Variants in PROM1 observed in about 807,000 individuals in gnomAD.
PROM1 encodes prominin 1.
A neutral mutation model predicts 116.9 loss-of-function variants in PROM1; 105 were observed. That is an observed-to-expected ratio of 0.90 (90% CI 0.77 to 1.06). The LOEUF is 1.06. Ranked by LOEUF, PROM1 falls within the 50% of genes least tolerant of loss-of-function variation. The pLI is 0.00. For synonymous variants in PROM1, 393 were observed against 387.0 expected, an observed-to-expected ratio of 1.02 and a Z score of -0.18; for missense variants, 1,122 against 1,045.2, an observed-to-expected ratio of 1.07 and a Z score of -1.01.
At chr4:15,974,670 T>C (rs991487562) in intron 26 of PROM1, among the ~76,000 whole-genome samples, 23 of 152,208 alleles carry the variant, frequency 1.5e-4, no homozygotes, top group African/African-American at 5.1e-4. Context: ...AGGGTCTTGT[T>C]GTGTTGCCCA....
At chr4:16,072,104 G>T (rs1184139669) in intron 2 of PROM1, among the ~76,000 whole-genome samples, 1 of 152,160 alleles carries the variant, frequency 6.6e-6, no homozygotes, top group Non-Finnish European at 1.5e-5. Context: ...CACAGGGGTG[G>T]TTACCTGTGT....
intron 9 of PROM1, among the ~76,000 whole-genome samples, chr4:16,017,040 C>T (rs1201598646): frequency 2.0e-5 from 3 of 152,036 alleles, no homozygotes; most frequent in Non-Finnish European, 4.4e-5. Context: ...CAATGTTATC[C>T]TAATTTTGAT....
intron 13 of PROM1, among the ~76,000 whole-genome samples, chr4:16,004,377 A>G (rs1013418204): frequency 2.6e-5 from 4 of 152,164 alleles, no homozygotes; most frequent in African/African-American, 9.7e-5. Flanking sequence ...GCCTCCATCA[A>G]TTTGTTGATG....
intron 2 of PROM1, among the ~76,000 whole-genome samples, chr4:16,071,332 T>C (rs989387527): frequency 2.0e-5 from 3 of 152,174 alleles, no homozygotes; most frequent in African/African-American, 7.2e-5. Context: ...ACCTTCCTTC[T>C]CTCTCTAAAA....
At chr4:16,012,865 T>C (rs57290363) in intron 11 of PROM1, among the ~76,000 whole-genome samples, 20,044 of 123,334 alleles carry the variant, frequency 0.16, 2,326 homozygotes, top group African/African-American at 0.31. Flanking sequence ...AGCGAGACTC[T>C]GTCTCAAAAA....
rs1035725194 is a variant in PROM1 at position 16,053,862 on chromosome 4, A to G, written c.221-14861T>C. Among the ~76,000 whole-genome samples, 4 of 152,222 alleles carry G rather than the reference A, an allele frequency of 2.6e-5. No individual in the cohort carries two copies. The South Asian group carries it at 6.2e-4, about 24-fold the overall frequency. On this transcript the variant is annotated intron_variant, in intron 2 of 27. Coordinates refer to ENST00000447510, the MANE Select transcript of PROM1 (RefSeq NM_006017.3). ...ATAATCCCAGCACTCTGGGAGGCCA[A>G]TGCTGGTAGATCACTTGAGGTCAGG...
chr4:16,039,498 GAC>G (rs1193897471), intron 2 of PROM1, among the ~76,000 whole-genome samples: 1 of 152,186 alleles, frequency 6.6e-6, no homozygotes, highest in East Asian at 1.9e-4. Flanking sequence ...AGCACTTTGG[GAC>G]ACAGAGGCAG....
chr4:15,971,522 C>T (rs1714539271), intron 26 of PROM1: 1 of 159,240 alleles, frequency 6.3e-6, no homozygotes, highest in Non-Finnish European at 1.4e-5. Flanking sequence ...GGTGTAAGAT[C>T]AGGCAGTGCA....
chr4:15,985,652 C>T (rs1719179809), intron 22 of PROM1, 108 bp downstream of exon 22: 3 of 902,252 alleles, frequency 3.3e-6, no homozygotes, highest in Non-Finnish European at 5.2e-6. Context: ...CACTTACTTC[C>T]TACCAAATTA....
At chr4:15,970,338 C>T (rs915838290) in intron 27 of PROM1, among the ~76,000 whole-genome samples, 4 of 151,228 alleles carry the variant, frequency 2.6e-5, no homozygotes, top group South Asian at 2.1e-4. Flanking sequence ...CCACCACACC[C>T]GGCTAACTTT....
intron 2 of PROM1, among the ~76,000 whole-genome samples, chr4:16,071,479 T>C (rs1433071243): frequency 6.6e-6 from 1 of 152,202 alleles, no homozygotes; most frequent in African/African-American, 2.4e-5. Context: ...CGTTAACCCC[T>C]GACATGATGG....
intron 2 of PROM1, among the ~76,000 whole-genome samples, chr4:16,042,030 T>A (rs1043778782): frequency 5.3e-5 from 8 of 152,036 alleles, no homozygotes; most frequent in Non-Finnish European, 1.0e-4. Context: ...CCCAGGCTAG[T>A]CTTAAACCCC....
intron 9 of PROM1, among the ~76,000 whole-genome samples, chr4:16,016,675 A>G (rs1388503846): frequency 6.6e-5 from 10 of 152,196 alleles, no homozygotes; most frequent in Admixed American, 5.9e-4. Context: ...GCTCCTACCA[A>G]TACTGGGACG....
chr4:16,014,323 G>C (rs945994286), intron 10 of PROM1, among the ~76,000 whole-genome samples: 1 of 152,226 alleles, frequency 6.6e-6, no homozygotes, highest in Non-Finnish European at 1.5e-5. Flanking sequence ...CGGTGCTTGT[G>C]TTGGTTTTCT....
At chr4:16,078,992 T>C (rs1744495312) in intron 1 of PROM1, among the ~76,000 whole-genome samples, 1 of 152,130 alleles carries the variant, frequency 6.6e-6, no homozygotes, top group East Asian at 1.9e-4. Flanking sequence ...ACGCCCACCG[T>C]CACATCCACA....
intron 2 of PROM1, among the ~76,000 whole-genome samples, chr4:16,044,662 A>G (rs1449684132): frequency 1.3e-5 from 2 of 152,272 alleles, no homozygotes; most frequent in African/African-American, 4.8e-5. Context: ...GAATAAAATA[A>G]TATTCAATTT....
intron 2 of PROM1, among the ~76,000 whole-genome samples, chr4:16,043,848 G>A (rs946577053): frequency 6.6e-6 from 1 of 152,178 alleles, no homozygotes; most frequent in African/African-American, 2.4e-5. Flanking sequence ...GCCTGGGAGT[G>A]AGCAGCCCTG....
intron 13 of PROM1, chr4:16,003,452 G>A: frequency 2.2e-6 from 1 of 455,764 alleles, no homozygotes; most frequent in Non-Finnish European, 4.4e-6. Context: ...CTCAGAAACT[G>A]CCACCAGCCA....
At chr4:15,982,350 A>G (rs1054425458) in intron 23 of PROM1, among the ~76,000 whole-genome samples, 1 of 152,086 alleles carries the variant, frequency 6.6e-6, no homozygotes, top group Non-Finnish European at 1.5e-5. Context: ...ACTTCCAGTC[A>G]ATTTGTTCCC....
Sources: allele counts gnomAD v4.1 joint callset (sites outside exome capture counted in the v4.1 genomes callset), GRCh38; gene constraint gnomAD v4.1.1; transcripts MANE v1.5; gene names NCBI Gene and HGNC (gene_info 2026-07-23, HGNC 2026-07-21).